The following GPRIN3 variants were observed in gnomAD, a reference collection of about 807,000 sequenced individuals.
GPRIN3 encodes the protein GPRIN family member 3, also known as G protein-regulated inducer of neurite outgrowth 3.
A neutral mutation model predicts 13.7 loss-of-function variants in GPRIN3; 12 were observed. The observed-to-expected ratio is 0.87, with a 90% confidence interval of 0.56 to 1.42. The LOEUF (loss-of-function observed/expected upper bound fraction) is 1.42. Ranked by LOEUF, GPRIN3 falls within the 40% of genes most tolerant of loss-of-function variation. The probability of loss-of-function intolerance (pLI) is 0.00; values close to 1 mark genes in which losing one functional copy is unlikely to be tolerated. For missense variants in GPRIN3, 1,009 were observed against 958.7 expected (o/e 1.05, Z -0.69); for synonymous variants, 377 against 372.7 (o/e 1.01, Z -0.13).
chr4:89,283,712 C>G (rs896234696), intron 1 of GPRIN3, among the ~76,000 whole-genome samples: 3 of 152,168 alleles, frequency 2.0e-5, no homozygotes, highest in African/African-American at 7.2e-5. Context: ...GCCTTGAAAA[C>G]TAAGCAGGAC....
chr4:89,256,672 T>C (rs1723474087), intron 1 of GPRIN3, among the ~76,000 whole-genome samples: 1 of 152,196 alleles, frequency 6.6e-6, no homozygotes, highest in African/African-American at 2.4e-5. Context: ...GGCTCCAGGA[T>C]GTCATCATGC....
At chr4:89,298,936 C>A (rs1224065807) in intron 1 of GPRIN3, among the ~76,000 whole-genome samples, 2 of 152,076 alleles carry the variant, frequency 1.3e-5, no homozygotes, top group Non-Finnish European at 2.9e-5. Context: ...TCAAAAGCCA[C>A]AAACCCCAGA....
rs1723209833 is a variant in GPRIN3, at chr4:89,248,917, T to A, written c.1194A>T (p.Ala398=). 1 of 1,614,104 alleles carries A rather than the reference T, an allele frequency of 6.2e-7. No individual in the cohort carries two copies. The highest frequency in any genetic ancestry group is 8.5e-7 in the Non-Finnish European group (1 of 1,180,036). The part of the protein sequence containing the change: ...IMPQVHIQAA[A]AESTAFQREN... Reference sequence around the variant, plus strand: ...CCCGTTGGAAAGCTGTAGACTCAGCTGCAGCTGCCTGAATGTGCACCTGTG... The same window carrying A: ...CCCGTTGGAAAGCTGTAGACTCAGCAGCAGCTGCCTGAATGTGCACCTGTG... The change falls in exon 2 of 2, where the codon GCA becomes GCT. Residue 398 remains alanine, a synonymous_variant. Transcript: ENST00000609438.
chr4:89,299,119 T>C (rs1724820939), intron 1 of GPRIN3, among the ~76,000 whole-genome samples: 1 of 152,184 alleles, frequency 6.6e-6, no homozygotes, highest in South Asian at 2.1e-4. Context: ...TTAACACCTA[T>C]GGTCTTTTAT....
rs35444036 is a variant in GPRIN3, at chr4:89,286,091, G to GTATATA, written c.-124+21518_-124+21523dup. Reference sequence around the variant, plus strand: ...TACATGTGTACGTGTATGTGTGTGTGTATATATATATATATATATATATGT... The same window carrying GTATATA: ...TACATGTGTACGTGTATGTGTGTGTGTATATATATATATATATATATATATATATGT... On this transcript the variant is annotated intron_variant, in intron 1 of 1. Coordinates refer to ENST00000609438, the MANE Select transcript of GPRIN3 (RefSeq NM_198281.3). Among the ~76,000 whole-genome samples the GTATATA allele has an allele frequency of 4.8e-3, 704 of 146,716 alleles. 1 individual carries two copies. Among genetic ancestry groups the GTATATA allele is most frequent in the African/African-American group, 0.017 (669 of 39,756 alleles).
chr4:89,289,007 T>C (rs748211338), intron 1 of GPRIN3, among the ~76,000 whole-genome samples: 11 of 152,030 alleles, frequency 7.2e-5, no homozygotes, highest in Non-Finnish European at 1.2e-4. Flanking sequence ...CATTTTCCTA[T>C]GTCGACTTTT....
chr4:89,290,477 C>G (rs1252504189), intron 1 of GPRIN3, among the ~76,000 whole-genome samples: 1 of 152,038 alleles, frequency 6.6e-6, no homozygotes, highest in Non-Finnish European at 1.5e-5. Flanking sequence ...AGGAAGGATC[C>G]ATTTCTCAAA....
chr4:89,260,154 C>A (rs1723585431), intron 1 of GPRIN3, among the ~76,000 whole-genome samples: 1 of 152,092 alleles, frequency 6.6e-6, no homozygotes, highest in Non-Finnish European at 1.5e-5. Context: ...TGTCTGGTGG[C>A]AATATTTATA....
At chr4:89,264,300 T>C (rs1296144886) in intron 1 of GPRIN3, among the ~76,000 whole-genome samples, 1 of 152,174 alleles carries the variant, frequency 6.6e-6, no homozygotes, top group Non-Finnish European at 1.5e-5. Flanking sequence ...CTCTCCCAGT[T>C]TGATCTCTGC....
In GPRIN3 at chr4:89,304,844, T is replaced by G. The variant is rs777295124; in HGVS notation, c.-124+2771A>C. ...CATTTCTACATAATTCAAACCTCTA[T>G]TCCCTCATTCTCTCTCTTATTTTTC... On this transcript the variant is annotated intron_variant, in intron 1 of 1. Coordinates refer to ENST00000609438, the MANE Select transcript of GPRIN3 (RefSeq NM_198281.3). 1.4e-4 allele frequency among the ~76,000 whole-genome samples: 21 copies of G among 152,198 alleles called. 1 individual carries two copies. The highest frequency in any genetic ancestry group is 1.6e-4 in the Non-Finnish European group (11 of 68,024).
chr4:89,251,977 C>CTT (rs112143610), intron 1 of GPRIN3, among the ~76,000 whole-genome samples: 1 of 143,328 alleles, frequency 7.0e-6, no homozygotes. Context: ...TATATATAAG[C>CTT]TTTTTTTTTT....
chr4:89,260,014 C>T (rs1019385330), intron 1 of GPRIN3, among the ~76,000 whole-genome samples: 154 of 152,212 alleles, frequency 1.0e-3, no homozygotes, highest in African/African-American at 3.5e-3. Flanking sequence ...GCCATGTTGG[C>T]CAGGCTGGTC....
In GPRIN3 at chr4:89,245,880, T is replaced by C. The variant is rs548739159; in HGVS notation, c.*1900A>G. The C allele has an allele frequency of 3.2e-4, 48 of 152,370 alleles. No homozygotes were observed. Among genetic ancestry groups the C allele is most frequent in the African/African-American group, 1.1e-3 (45 of 41,596 alleles). The allele number at this position is 152,370 out of a possible 1,614,324, so 9.4% of individuals were successfully genotyped here. On this transcript the variant is annotated 3_prime_UTR_variant, in exon 2 of 2. Coordinates refer to ENST00000609438, the MANE Select transcript of GPRIN3 (RefSeq NM_198281.3). ...ATGGAAATTTCAACATTACATAGTA[T>C]TCTTAATAGACACCAATGGGTAAGA...
Position 89,247,265 on chromosome 4 carries a change from T to C in GPRIN3, c.*515A>G, listed in dbSNP as rs1363439143. ...ATCTGGCCTAGGAATGAATCAAATA[T>C]GTTCTCATTTTTTTCATTATGGTTC... is the stretch of plus-strand genomic sequence containing the variant. On this transcript the variant is annotated 3_prime_UTR_variant, in exon 2 of 2. Coordinates refer to ENST00000609438, the MANE Select transcript of GPRIN3 (RefSeq NM_198281.3). 1.3e-5 allele frequency: 2 copies of C among 152,548 alleles called. No homozygotes were observed. Among genetic ancestry groups the C allele is most frequent in the Non-Finnish European group, 1.5e-5 (1 of 68,302 alleles). The allele number at this position is 152,548 out of a possible 1,614,324, so 9.4% of individuals were successfully genotyped here.
intron 1 of GPRIN3, among the ~76,000 whole-genome samples, chr4:89,267,485 T>C (rs946641872): frequency 2.0e-5 from 3 of 152,226 alleles, no homozygotes; most frequent in African/African-American, 7.2e-5. Flanking sequence ...TGCTGCTTGA[T>C]AGTACTAACC....
In GPRIN3 at chr4:89,286,091, GTATATA is replaced by G. The variant is rs35444036; in HGVS notation, c.-124+21518_-124+21523del. On this transcript the variant is annotated intron_variant, in intron 1 of 1. Coordinates refer to ENST00000609438, the MANE Select transcript of GPRIN3 (RefSeq NM_198281.3). The stretch of plus-strand genomic sequence containing the variant: ...TACATGTGTACGTGTATGTGTGTGT[GTATATA>G]TATATATATATATATATGTAAACTA... Among the ~76,000 whole-genome samples the G allele has an allele frequency of 7.4e-3, 1,082 of 146,714 alleles. 8 individuals are homozygous for G. The highest frequency in any genetic ancestry group is 0.016 in the African/African-American group (640 of 39,766).
At chr4:89,292,731 A>G (rs1724609167) in intron 1 of GPRIN3, among the ~76,000 whole-genome samples, 1 of 152,246 alleles carries the variant, frequency 6.6e-6, no homozygotes, top group Admixed American at 6.5e-5. Flanking sequence ...CACCAATTAC[A>G]CATGCTTACA....
Position 89,307,771 on chromosome 4 carries a change from C to T in GPRIN3, c.-280G>A, listed in dbSNP as rs542137748. 1 of 152,462 alleles carries T rather than the reference C, an allele frequency of 6.6e-6. No homozygotes were observed. Among genetic ancestry groups the T allele is most frequent in the South Asian group, 2.1e-4 (1 of 4,828 alleles). The allele number at this position is 152,462 out of a possible 1,614,324, so 9.4% of individuals were successfully genotyped here. On this transcript the variant is annotated 5_prime_UTR_variant, in exon 1 of 2. Transcript: ENST00000609438. ...TCTCAGCCCGGTCCCGGAGCGAGCTCCGTGCGTTCAGGAACTGAAATTACT... is the reference window on the plus strand; with the variant it reads ...TCTCAGCCCGGTCCCGGAGCGAGCTTCGTGCGTTCAGGAACTGAAATTACT...
intron 1 of GPRIN3, among the ~76,000 whole-genome samples, chr4:89,274,781 G>A (rs1724047928): frequency 1.3e-5 from 2 of 152,166 alleles, no homozygotes; most frequent in Non-Finnish European, 1.5e-5. Context: ...CAGAGATTGG[G>A]CCTTCTGGGA....
Sources: gnomAD v4.1 joint callset for allele counts (sites outside exome capture counted in the v4.1 genomes callset) on GRCh38, gnomAD v4.1.1 for gene constraint, MANE v1.5 for transcripts, NCBI Gene and HGNC (gene_info 2026-07-23, HGNC 2026-07-21) for gene names.